Variants in AGBL4 observed in about 807,000 individuals in gnomAD.
AGBL4 encodes AGBL carboxypeptidase 4.
Under a neutral mutation model 66.4 loss-of-function variants are expected in AGBL4, and 58 were observed. That is an observed-to-expected ratio of 0.87 (90% CI 0.71 to 1.09). The LOEUF is 1.09. Among genes scored for constraint, AGBL4 ranks in the 50% least tolerant of loss-of-function variants. The pLI is 0.00. For missense variants in AGBL4, 579 were observed against 631.0 expected (o/e 0.92, Z 0.88); for synonymous variants, 234 against 222.9 (o/e 1.05, Z -0.44).
intron 4 of AGBL4, among the ~76,000 whole-genome samples, chr1:49,209,968 A>C (rs1233726778): frequency 6.6e-6 from 1 of 152,098 alleles, no homozygotes; most frequent in African/African-American, 2.4e-5. Context: ...CAGGACATAA[A>C]ATATAGAATA....
chr1:49,148,522 G>C (rs985365075), intron 4 of AGBL4, among the ~76,000 whole-genome samples: 3 of 152,144 alleles, frequency 2.0e-5, no homozygotes, highest in Non-Finnish European at 4.4e-5. Context: ...TTCTGACTGT[G>C]GTAAGTGGGG....
intron 2 of AGBL4, among the ~76,000 whole-genome samples, chr1:49,709,819 G>T (rs776595461): frequency 2.6e-5 from 4 of 152,118 alleles, no homozygotes; most frequent in Non-Finnish European, 4.4e-5. Context: ...AGACATTTAT[G>T]CAGCAAACAA....
intron 4 of AGBL4, among the ~76,000 whole-genome samples, chr1:49,203,978 C>A (rs1404935314): frequency 6.6e-6 from 1 of 152,156 alleles, no homozygotes; most frequent in Admixed American, 6.5e-5. Context: ...CACTATATGT[C>A]AGCACTGACG....
chr1:49,350,834 G>T (rs1557861789), intron 3 of AGBL4, among the ~76,000 whole-genome samples: 1 of 151,804 alleles, frequency 6.6e-6, no homozygotes, highest in Non-Finnish European at 1.5e-5. Context: ...ACCAGGACAG[G>T]ACTCTTCCTG....
chr1:49,720,264 A>G (rs1571401638), intron 2 of AGBL4, among the ~76,000 whole-genome samples: 1 of 152,180 alleles, frequency 6.6e-6, no homozygotes, highest in Non-Finnish European at 1.5e-5. Flanking sequence ...AATGCTCATT[A>G]GAGCATTTTG....
intron 1 of AGBL4, among the ~76,000 whole-genome samples, chr1:49,889,623 G>A (rs1648430141): frequency 6.6e-6 from 1 of 152,000 alleles, no homozygotes. Flanking sequence ...TGGGCGTGGT[G>A]GCACATGCCT....
At chr1:48,531,565 G>A (rs1256376665), downstream of AGBL4, among the ~76,000 whole-genome samples, 1 of 152,124 alleles carries the variant, frequency 6.6e-6, no homozygotes, top group Non-Finnish European at 1.5e-5. Flanking sequence ...TCACTAGAAG[G>A]TTTTCCTCAT....
chr1:49,108,597 C>T (rs774943830), intron 4 of AGBL4, among the ~76,000 whole-genome samples: 1 of 152,106 alleles, frequency 6.6e-6, no homozygotes, highest in Non-Finnish European at 1.5e-5. Flanking sequence ...TCAGAGTGAG[C>T]AAAGCATGCT....
chr1:49,890,095 G>A (rs554992159), intron 1 of AGBL4, among the ~76,000 whole-genome samples: 1 of 152,286 alleles, frequency 6.6e-6, no homozygotes, highest in Admixed American at 6.5e-5. Context: ...TACAATGTGT[G>A]AGACATTGGG....
chr1:49,853,299 T>A (rs1646351052), intron 1 of AGBL4, among the ~76,000 whole-genome samples: 1 of 152,020 alleles, frequency 6.6e-6, no homozygotes. Context: ...GAAACCACAG[T>A]AATAATACAA....
At chr1:49,083,731 G>T (rs926415821) in intron 4 of AGBL4, among the ~76,000 whole-genome samples, 28 of 152,138 alleles carry the variant, frequency 1.8e-4, no homozygotes, top group African/African-American at 6.3e-4. Context: ...TCAGAAAATT[G>T]GTTTTTCTTT....
chr1:49,638,979 A>T (rs1256537512), intron 3 of AGBL4, among the ~76,000 whole-genome samples: 6 of 152,144 alleles, frequency 3.9e-5, no homozygotes, highest in Non-Finnish European at 7.4e-5. Flanking sequence ...AGTAAGTTCT[A>T]TGACTCTTGT....
At chr1:50,000,804 AG>A (rs1660691227) in intron 1 of AGBL4, among the ~76,000 whole-genome samples, 1 of 152,204 alleles carries the variant, frequency 6.6e-6, no homozygotes, top group Admixed American at 6.5e-5. Context: ...GAAGTAACTC[AG>A]GAATGGAAAA....
chr1:48,549,865 A>G (rs971031509), intron 11 of AGBL4, among the ~76,000 whole-genome samples: 1 of 152,114 alleles, frequency 6.6e-6, no homozygotes, highest in Non-Finnish European at 1.5e-5. Flanking sequence ...GACAAAAGAA[A>G]AAAATGCAGA....
intron 3 of AGBL4, among the ~76,000 whole-genome samples, chr1:49,378,328 C>A (rs577309599): frequency 1.8e-4 from 27 of 152,034 alleles, no homozygotes; most frequent in African/African-American, 5.8e-4. Flanking sequence ...GATCTGGGGA[C>A]GTAATCTATA....
At chr1:49,866,005 T>C in intron 1 of AGBL4, 1 of 307,232 alleles carries the variant, frequency 3.3e-6, no homozygotes, top group Non-Finnish European at 6.7e-6. Flanking sequence ...GAGGAAAGAA[T>C]TTCAGAGCTT....
At chr1:49,248,954 T>C (rs1327095938) in intron 3 of AGBL4, among the ~76,000 whole-genome samples, 1 of 152,094 alleles carries the variant, frequency 6.6e-6, no homozygotes, top group Admixed American at 6.5e-5. Context: ...AGTCTAAGAG[T>C]AGGTATAACC....
intron 2 of AGBL4, among the ~76,000 whole-genome samples, chr1:49,822,154 T>C (rs1319469467): frequency 2.0e-5 from 3 of 152,296 alleles, no homozygotes; most frequent in African/African-American, 7.2e-5. Flanking sequence ...TGGGGGGGTT[T>C]TATTCACATT....
intron 3 of AGBL4, among the ~76,000 whole-genome samples, chr1:49,572,641 G>A (rs1005339771): frequency 5.9e-5 from 9 of 152,098 alleles, no homozygotes; most frequent in Non-Finnish European, 1.2e-4. Flanking sequence ...TTTGCATAGA[G>A]CTATTTATAG....
Sources: allele counts gnomAD v4.1 joint callset (sites outside exome capture counted in the v4.1 genomes callset), GRCh38; gene constraint gnomAD v4.1.1; transcripts MANE v1.5; gene names NCBI Gene and HGNC (gene_info 2026-07-23, HGNC 2026-07-21).